RPS6KA2: variants seen among roughly 807,000 people sequenced by gnomAD.
RPS6KA2 encodes the protein ribosomal protein S6 kinase alpha-2.
A neutral mutation model predicts 91.8 loss-of-function variants in RPS6KA2; 42 were observed. The observed-to-expected ratio is 0.46, with a 90% CI of 0.36 to 0.59. The LOEUF (loss-of-function observed/expected upper bound fraction) is 0.59, where lower values mean the gene tolerates loss of function less well. Among genes scored for constraint, RPS6KA2 ranks in the 20% least tolerant of loss-of-function variants. The pLI is 0.00. For synonymous variants in RPS6KA2, 414 were observed against 393.6 expected (o/e 1.05, Z -0.61); for missense variants, 798 against 978.5 (o/e 0.82, Z 2.46).
rs1388517360 is a variant in RPS6KA2 at position 166,671,134 on chromosome 6, A to G, written c.124-132350T>C. Among the ~76,000 whole-genome samples, 4 of 152,148 alleles carry G rather than the reference A, an allele frequency of 2.6e-5. No individual in the cohort carries two copies. The East Asian group carries it at 7.7e-4, about 29-fold the overall frequency. ...GGCCCCAACATGTTATTTAAATGCA[A>G]TGTTCCTTTTGCCTGTTTTATGAGA... On this transcript the variant is annotated intron_variant, in intron 2 of 21. Transcript: ENST00000503859.
At chr6:166,483,737 A>G (rs1781315117) in intron 10 of RPS6KA2, among the ~76,000 whole-genome samples, 1 of 152,150 alleles carries the variant, frequency 6.6e-6, no homozygotes, top group African/African-American at 2.4e-5. Flanking sequence ...CGACAGCTGC[A>G]CTGCTCTCTG....
At chr6:166,585,098 G>A (rs937908258) in intron 1 of RPS6KA2, among the ~76,000 whole-genome samples, 3 of 152,174 alleles carry the variant, frequency 2.0e-5, no homozygotes, top group Non-Finnish European at 1.5e-5. Context: ...AACGATGTGG[G>A]GTGCAGGAAG....
At chr6:166,830,495 G>A (rs1316741598) in intron 2 of RPS6KA2, among the ~76,000 whole-genome samples, 1 of 152,156 alleles carries the variant, frequency 6.6e-6, no homozygotes, top group Non-Finnish European at 1.5e-5. Flanking sequence ...CTTAGAAACC[G>A]TTAAGATGGT....
chr6:166,804,728 G>T (rs1406913338), intron 2 of RPS6KA2, among the ~76,000 whole-genome samples: 3 of 151,954 alleles, frequency 2.0e-5, no homozygotes, highest in Non-Finnish European at 4.4e-5. Context: ...AATACTCAGT[G>T]CATTCACATT....
chr6:166,529,996 T>C (rs1562559515), intron 3 of RPS6KA2, among the ~76,000 whole-genome samples: 1 of 152,240 alleles, frequency 6.6e-6, no homozygotes, highest in Non-Finnish European at 1.5e-5. Context: ...TTAAGTGGTT[T>C]AAAGTCTGTA....
At chr6:166,600,888 T>C (rs1043345204) in intron 1 of RPS6KA2, among the ~76,000 whole-genome samples, 1 of 152,242 alleles carries the variant, frequency 6.6e-6, no homozygotes, top group Non-Finnish European at 1.5e-5. Flanking sequence ...TCATTCTTAT[T>C]ATATTATCCC....
chr6:166,713,625 A>G (rs1240330879), intron 2 of RPS6KA2, among the ~76,000 whole-genome samples: 4 of 152,274 alleles, frequency 2.6e-5, no homozygotes, highest in Admixed American at 2.0e-4. Flanking sequence ...AAACACATGA[A>G]GAACAAACAC....
At chr6:166,634,063 G>A (rs1787162231) in intron 2 of RPS6KA2, among the ~76,000 whole-genome samples, 1 of 152,210 alleles carries the variant, frequency 6.6e-6, no homozygotes, top group Non-Finnish European at 1.5e-5. Context: ...GTGGGGTCAG[G>A]CAGAGGGAAT....
At chr6:166,543,404 T>C (rs1329605733) in intron 1 of RPS6KA2, among the ~76,000 whole-genome samples, 1 of 152,160 alleles carries the variant, frequency 6.6e-6, no homozygotes, top group East Asian at 1.9e-4. Context: ...TAAACTTGGC[T>C]TCGTCTAGAA....
At chr6:166,503,692 C>G (rs1782099608) in intron 6 of RPS6KA2, among the ~76,000 whole-genome samples, 1 of 152,188 alleles carries the variant, frequency 6.6e-6, no homozygotes, top group Non-Finnish European at 1.5e-5. Flanking sequence ...ACCTAAAATA[C>G]CATCCTCCAA....
In RPS6KA2 at chr6:166,690,806, C is replaced by T. The variant is rs78012723; in HGVS notation, c.124-152022G>A. On this transcript the variant is annotated intron_variant, in intron 2 of 21. Coordinates refer to the RPS6KA2 transcript ENST00000503859. ...AGCAAACACTGCCCCTGCACTGTGG[C>T]AAGTCTTAGAATTCTCATTTTTTCT... 6.4e-3 allele frequency among the ~76,000 whole-genome samples: 969 copies of T among 152,234 alleles called. 10 individuals are homozygous for T. Among genetic ancestry groups the T allele is most frequent in the African/African-American group, 0.022 (929 of 41,526 alleles).
rs537151039 is a variant in RPS6KA2 at position 166,793,452 on chromosome 6, C to T, written c.123+64748G>A. 3.4e-3 allele frequency among the ~76,000 whole-genome samples: 507 copies of T among 150,256 alleles called. 2 individuals carry two copies. Among genetic ancestry groups the T allele is most frequent in the African/African-American group, 0.012 (492 of 40,518 alleles). ...CCCAAGGTGATTTATAGATTCAATG[C>T]CATCCCCATCAAGCTACCAATGACT... On this transcript the variant is annotated intron_variant, in intron 2 of 21. Coordinates refer to the RPS6KA2 transcript ENST00000503859.
intron 10 of RPS6KA2, among the ~76,000 whole-genome samples, chr6:166,473,790 G>A (rs1299856189): frequency 6.6e-6 from 1 of 152,058 alleles, no homozygotes; most frequent in African/African-American, 2.4e-5. Flanking sequence ...GCCTCCTTAG[G>A]TTTCTTACAT....
chr6:166,704,771 G>T (rs1285953253), intron 2 of RPS6KA2, among the ~76,000 whole-genome samples: 3 of 152,208 alleles, frequency 2.0e-5, no homozygotes, highest in African/African-American at 7.2e-5. Context: ...TGTCCTGTCT[G>T]CATTCTGGGC....
chr6:166,788,694 G>A (rs1269013431), intron 2 of RPS6KA2, among the ~76,000 whole-genome samples: 1 of 152,106 alleles, frequency 6.6e-6, no homozygotes, highest in Non-Finnish European at 1.5e-5. Flanking sequence ...CCGGGGTGAG[G>A]GGCAAGGGGA....
chr6:166,836,951 C>A (rs74941971), intron 2 of RPS6KA2, among the ~76,000 whole-genome samples: 1,983 of 152,280 alleles, frequency 0.013, 45 homozygotes, highest in African/African-American at 0.045. Flanking sequence ...CGTCTTCAGT[C>A]CCGCTCGGGC....
At chr6:166,451,843 A>G (rs539913057) in intron 12 of RPS6KA2, among the ~76,000 whole-genome samples, 1 of 152,252 alleles carries the variant, frequency 6.6e-6, no homozygotes, top group South Asian at 2.1e-4. Flanking sequence ...TCTGTGTTCA[A>G]AAGCATGACT....
chr6:166,757,228 C>G (rs1222047656), intron 2 of RPS6KA2, among the ~76,000 whole-genome samples: 1 of 152,150 alleles, frequency 6.6e-6, no homozygotes, highest in Non-Finnish European at 1.5e-5. Flanking sequence ...AGAAAAATTA[C>G]GGACACCCTT....
chr6:166,848,055 A>G (rs1780650520), intron 2 of RPS6KA2, among the ~76,000 whole-genome samples: 1 of 152,218 alleles, frequency 6.6e-6, no homozygotes, highest in Non-Finnish European at 1.5e-5. Flanking sequence ...GAACTCAAAC[A>G]AATCAGAAAT....
Sources: gnomAD v4.1 joint callset for allele counts (sites outside exome capture counted in the v4.1 genomes callset) on GRCh38, gnomAD v4.1.1 for gene constraint, MANE v1.5 for transcripts, NCBI Gene and HGNC (gene_info 2026-07-23, HGNC 2026-07-21) for gene names.